DPH6: variants seen among roughly 807,000 people sequenced by gnomAD.
DPH6 encodes diphthamine biosynthesis 6, also known as diphthine--ammonia ligase.
Under a neutral mutation model 38.2 loss-of-function variants are expected in DPH6, and 33 were observed. The ratio of observed to expected loss-of-function variants is 0.86; its 90% CI spans 0.65 to 1.15. The LOEUF (loss-of-function observed/expected upper bound fraction) is 1.15. Among genes scored for constraint, DPH6 ranks in the 50% most tolerant of loss-of-function variants. The pLI is 0.00. For synonymous variants in DPH6, 108 were observed against 103.0 expected (o/e 1.05, Z -0.30); for missense variants, 325 against 320.0 (o/e 1.02, Z -0.12).
intron 5 of DPH6, among the ~76,000 whole-genome samples, chr15:35,424,469 G>A (rs1363366923): frequency 6.7e-6 from 1 of 149,916 alleles, no homozygotes; most frequent in Non-Finnish European, 1.5e-5. Context: ...TTTTTGTCAA[G>A]TCTTTTCAAT....
In DPH6 at chr15:35,348,815, A is replaced by G. The variant is rs2052483895; in HGVS notation, n.208-17738T>C. On this transcript the variant is annotated intron_variant and non_coding_transcript_variant, in intron 3 of 3. Transcript: ENST00000558973. ...TTCCCCTTTATTTGTGTCTTGTTTA[A>G]TTTTTTTCAGCAATGTTTTAGAATT... 2.0e-5 allele frequency among the ~76,000 whole-genome samples: 3 copies of G among 151,822 alleles called. No individual in the cohort carries two copies. The South Asian group carries it at 6.2e-4, about 32-fold the overall frequency.
intron 5 of DPH6, among the ~76,000 whole-genome samples, chr15:35,413,149 A>C (rs572938058): frequency 6.6e-6 from 1 of 151,836 alleles, no homozygotes; most frequent in African/African-American, 2.4e-5. Context: ...TGCTTTAACA[A>C]AATAAAATAA....
At chr15:35,520,220 C>CAAAAAAAAAAAAAAAAAAAAAAAAGAAAA (rs1353792195) in intron 3 of DPH6, 1 of 435,366 alleles carries the variant, frequency 2.3e-6, no homozygotes, top group Non-Finnish European at 2.6e-6. Flanking sequence ...AAACATGCTA[C>CAAAAAAAAAAAAAAAAAAAAAAAAGAAAA]AAAAAAAAAC....
At chr15:35,354,418 T>A (rs917624299) in intron 3 of DPH6, among the ~76,000 whole-genome samples, 1 of 152,204 alleles carries the variant, frequency 6.6e-6, no homozygotes, top group Admixed American at 6.5e-5. Flanking sequence ...GCTGTGGGTT[T>A]GTCATAGATA....
intron 3 of DPH6, among the ~76,000 whole-genome samples, chr15:35,340,703 G>A (rs934120697): frequency 9.2e-5 from 14 of 152,060 alleles, no homozygotes; most frequent in African/African-American, 2.9e-4. Context: ...TTGAATATTC[G>A]CCCCAATCTC....
In DPH6 at chr15:35,390,388, T is replaced by G. The variant is rs1225462817; in HGVS notation, c.568-8472A>C. ...TATTTCCTTAATTTGAATGTTGGCC[T>G]GCCTTGCTAGATTGGGGAAGTTCTC... On this transcript the variant is annotated intron_variant, in intron 6 of 8. Transcript: ENST00000256538. Among the ~76,000 whole-genome samples the G allele has an allele frequency of 3.3e-5, 5 of 152,206 alleles. No individual in the cohort carries two copies. In the East Asian group the frequency reaches 7.7e-4, roughly 23 times the overall value.
At chr15:35,234,148 A>G (rs796075930) in intron 3 of DPH6, among the ~76,000 whole-genome samples, 5 of 152,352 alleles carry the variant, frequency 3.3e-5, no homozygotes, top group African/African-American at 1.2e-4. Context: ...AATGGCTAGG[A>G]AGTAGTCATA....
chr15:35,160,122 C>T, the DPH6 span, among the ~76,000 whole-genome samples: 22 of 151,976 alleles, frequency 1.4e-4, no homozygotes, highest in African/African-American at 4.3e-4. Context: ...TGGGTTCAAT[C>T]GTACTCAACA....
intron 5 of DPH6, among the ~76,000 whole-genome samples, chr15:35,440,619 T>A (rs944470512): frequency 6.6e-6 from 1 of 152,166 alleles, no homozygotes; most frequent in African/African-American, 2.4e-5. Context: ...GGCAGTTATA[T>A]GTCCTTCTTT....
intron 3 of DPH6, among the ~76,000 whole-genome samples, chr15:35,232,357 G>A (rs530435074): frequency 1.1e-4 from 17 of 152,206 alleles, no homozygotes; most frequent in African/African-American, 3.9e-4. Context: ...CAAGGCGGGT[G>A]GATCATGAGG....
At chr15:35,336,278 T>A (rs563085072) in intron 3 of DPH6, among the ~76,000 whole-genome samples, 1 of 152,202 alleles carries the variant, frequency 6.6e-6, no homozygotes, top group African/African-American at 2.4e-5. Context: ...CCAACTTGGT[T>A]CCATTCTCCC....
chr15:35,263,712 A>G (rs1394480192), intron 3 of DPH6, among the ~76,000 whole-genome samples: 2 of 151,380 alleles, frequency 1.3e-5, no homozygotes, highest in Non-Finnish European at 3.0e-5. Flanking sequence ...CTCACAGTTT[A>G]TAATTTCTTT....
At position 35,220,269 on chromosome 15, in the gene DPH6, G is replaced by A. The variant is rs534267380; in HGVS notation, n.514C>T. On this transcript the variant is annotated non_coding_transcript_exon_variant, in exon 4 of 4. Transcript: ENST00000560386. ...AAAAGTTGAGTGGGAAATACCAAGA[G>A]GTCCCACATCACCTCCCAACCTCTC... 3 of 152,124 alleles carry A rather than the reference G, an allele frequency of 2.0e-5. No individual in the cohort carries two copies. In the East Asian group the frequency reaches 5.8e-4, roughly 29 times the overall value. The allele number at this position is 152,124 out of a possible 1,614,324, so 9.4% of individuals were successfully genotyped here.
intron 3 of DPH6, among the ~76,000 whole-genome samples, chr15:35,537,243 C>G (rs1020388208): frequency 4.6e-5 from 7 of 152,022 alleles, no homozygotes; most frequent in African/African-American, 1.7e-4. Context: ...GAGGTAACTT[C>G]TGAAAAAACT....
rs937481351 is a variant in DPH6, at chr15:35,258,012, T to C, written n.201-37430A>G. Among the ~76,000 whole-genome samples the C allele has an allele frequency of 3.3e-5, 5 of 152,164 alleles. No homozygotes were observed. In the East Asian group the frequency reaches 9.6e-4, roughly 29 times the overall value. On this transcript the variant is annotated intron_variant and non_coding_transcript_variant, in intron 3 of 3. Coordinates refer to the DPH6 transcript ENST00000560386. ...AGTCTGGTTTCTCACAGACTTTAGC[T>C]TTCCTGTAGAACATCATGGTCCTTC...
chr15:35,175,250 ACT>A, the DPH6 span, among the ~76,000 whole-genome samples: 1 of 152,128 alleles, frequency 6.6e-6, no homozygotes, highest in Non-Finnish European at 1.5e-5. Context: ...AGGCCATAAC[ACT>A]CACCCTGTTT....
intron 3 of DPH6, among the ~76,000 whole-genome samples, chr15:35,258,863 T>C (rs2051724787): frequency 6.6e-6 from 1 of 152,052 alleles, no homozygotes; most frequent in African/African-American, 2.4e-5. Context: ...AGATTCCTAC[T>C]ATGGGCCGGG....
chr15:35,506,702 T>C (rs540020441), intron 3 of DPH6, among the ~76,000 whole-genome samples: 6 of 152,338 alleles, frequency 3.9e-5, no homozygotes. Context: ...CTCATTGTCA[T>C]GATTTTTAAA....
chr15:35,221,387 G>A (rs944252651), intron 3 of DPH6, among the ~76,000 whole-genome samples: 3 of 152,174 alleles, frequency 2.0e-5, no homozygotes, highest in Admixed American at 6.5e-5. Context: ...GCTCCACTAA[G>A]TACTGCCCTG....
Sources: gnomAD v4.1 joint callset for allele counts (sites outside exome capture counted in the v4.1 genomes callset) on GRCh38, gnomAD v4.1.1 for gene constraint, MANE v1.5 for transcripts, NCBI Gene and HGNC (gene_info 2026-07-23, HGNC 2026-07-21) for gene names.